TRIP6: variants seen among roughly 807,000 people sequenced by gnomAD.
TRIP6 encodes the protein thyroid receptor-interacting protein 6.
A neutral mutation model predicts 51.9 loss-of-function variants in TRIP6; 33 were observed. That is an observed-to-expected ratio of 0.64 (90% CI 0.48 to 0.85). The LOEUF is 0.85. Among genes scored for constraint, TRIP6 ranks in the 40% least tolerant of loss-of-function variants. The probability of loss-of-function intolerance (pLI) is 0.00; values close to 1 mark genes in which losing one functional copy is unlikely to be tolerated. For missense variants in TRIP6, 661 were observed against 652.1 expected (o/e 1.01, Z -0.15); for synonymous variants, 255 against 275.8 (o/e 0.92, Z 0.75).
intron 3 of TRIP6, 70 bp downstream of exon 3, chr7:100,868,303 T>A (rs1384138802): frequency 6.4e-7 from 1 of 1,572,844 alleles, no homozygotes; most frequent in Non-Finnish European, 8.6e-7. Context: ...GCCTGATCGA[T>A]CCCCCATGTG....
chr7:100,868,051 AG>A, intron 2 of TRIP6, 56 bp from the exon 3 acceptor site: 1 of 1,560,334 alleles, frequency 6.4e-7, no homozygotes, highest in African/African-American at 1.4e-5. Flanking sequence ...TGAGGGACCC[AG>A]GACAGGAGAA....
At position 100,868,152 on chromosome 7, in the gene TRIP6, C is replaced by T. The variant is rs373789703; in HGVS notation, c.282C>T (p.Asp94=). The T allele has an allele frequency of 4.5e-5, 73 of 1,612,212 alleles. No homozygotes were observed. Among genetic ancestry groups the T allele is most frequent in the African/African-American group, 3.2e-4 (24 of 74,916 alleles). Residue 94 remains aspartate (D), a synonymous_variant, in exon 3 of 9, where the codon GAC becomes GAT. Coordinates refer to ENST00000200457, the MANE Select transcript of TRIP6 (RefSeq NM_003302.3). ...DRGGLRPGSL[D]AEIDLLSSTL... ...GGGGCCTTCGCCCTGGAAGCCTGGA[C>T]GCCGAGATAGACTTGCTGAGCAGCA...
chr7:100,867,850 C>A lies in TRIP6; in HGVS notation c.110-11C>A. ...GCCACCCCACCTTTGATTTCTCTTC[C>A]CTCAACCCAGCACTCCAGCCCCACC... On this transcript the variant is annotated splice_polypyrimidine_tract_variant and intron_variant, in intron 1 of 8. Transcript: ENST00000200457. This position sits in a 1 kb window ranked among gnomAD's most constrained non-coding sequence, Gnocchi z 5.4. 1 of 1,541,610 alleles carries A rather than the reference C, an allele frequency of 6.5e-7. No individual in the cohort carries two copies.
At position 100,868,741 on chromosome 7, in the gene TRIP6, G is replaced by C; in HGVS notation, c.610G>C (p.Gly204Arg). 2.6e-6 allele frequency: 4 copies of C among 1,557,386 alleles called. No individual in the cohort carries two copies. Among genetic ancestry groups the C allele is most frequent in the Non-Finnish European group, 3.5e-6 (4 of 1,155,178 alleles). Residue 204 changes from glycine to arginine, a missense_variant, in exon 4 of 9, where the codon GGC (glycine) becomes CGC (arginine). By Grantham distance (125) the Gly-to-Arg change is moderately radical. Coordinates refer to ENST00000200457, the MANE Select transcript of TRIP6 (RefSeq NM_003302.3). ...CCCGGGCCCCCACTTTCCTCTCCCA[G>C]GCCGAGGTGAAGTCTGGGGGCCTGG... ...PLPGPHFPLP[G>R]RGEVWGPGYR...
chr7:100,872,786 G>C, intron 8 of TRIP6, 42 bp downstream of exon 8: 1 of 1,611,374 alleles, frequency 6.2e-7, no homozygotes, highest in Non-Finnish European at 8.5e-7. Context: ...GCAGTGTCTA[G>C]GGTGCTGGGT....
Position 100,867,914 on chromosome 7 carries a change from T to C in TRIP6, c.163T>C (p.Tyr55His), listed in dbSNP as rs372979273. 1.2e-4 allele frequency: 176 copies of C among 1,523,434 alleles called. No homozygotes were observed. The highest frequency in any genetic ancestry group is 1.4e-4 in the Non-Finnish European group (159 of 1,142,242). The allele number at this position is 1,523,434 out of a possible 1,614,324, so 94.4% of individuals were successfully genotyped here. Residue 55 changes from tyrosine (Y) to histidine (H), a missense_variant, in exon 2 of 9, where the codon TAC becomes CAC. Coordinates refer to ENST00000200457, the MANE Select transcript of TRIP6 (RefSeq NM_003302.3). The surrounding 1 kb of genome is among the most constrained non-coding windows in gnomAD (Gnocchi z 5.4). Reference sequence around the variant, plus strand: ...TTGCCCCCTTCCATCTGAGCAGTGTTACCAGGCCCCAGGGGGACCGGAGGA... The same window carrying C: ...TTGCCCCCTTCCATCTGAGCAGTGTCACCAGGCCCCAGGGGGACCGGAGGA... ...NFCPLPSEQC[Y>H]QAPGGPEDRG... is the part of the protein sequence containing the mutation.
intron 6 of TRIP6, 113 bp downstream of exon 6, chr7:100,870,856 C>G: frequency 7.2e-7 from 1 of 1,387,342 alleles, no homozygotes. Context: ...AAAAGCCAGG[C>G]GACTGAAAGT....
rs767512911 is a variant in TRIP6 at position 100,868,199 on chromosome 7, G to T, written c.329G>T (p.Gly110Val). The change falls in exon 3 of 9, where the codon GGT (glycine) becomes GTT (valine). Residue 110 changes from glycine (G) to valine (V), a missense_variant. Gly to Val is a moderately radical substitution (Grantham distance 109). Coordinates refer to ENST00000200457, the MANE Select transcript of TRIP6 (RefSeq NM_003302.3). ...LSSTLAELNG[G>V]RGHASRRPDR... ...AGCACGCTGGCCGAGCTGAATGGGG[G>T]TCGGGGTCATGCGTCACGGCGACCA... The T allele has an allele frequency of 1.2e-6, 2 of 1,609,938 alleles. No homozygotes were observed. Among genetic ancestry groups the T allele is most frequent in the South Asian group, 2.2e-5 (2 of 90,902 alleles).
chr7:100,872,181 G>GTTTTT (rs34239953), intron 7 of TRIP6, among the ~76,000 whole-genome samples: 14 of 95,584 alleles, frequency 1.5e-4, no homozygotes, highest in East Asian at 3.2e-4. Context: ...CGCCTGGCTA[G>GTTTTT]TTTTTTTTTT....
In TRIP6 at chr7:100,870,386, C is replaced by A. The variant is rs1326090073; in HGVS notation, c.752C>A (p.Pro251His). ...ACCTTCCAGGTGCCCCTGAGCCAGC[C>A]TCCAGAGGATGAGCTGGATAGGCTG... is the stretch of plus-strand genomic sequence containing the variant. ...EHGPQVPLSQ[P>H]PEDELDRLTK... Residue 251 changes from proline to histidine, a missense_variant, in exon 5 of 9, where the codon CCT becomes CAT. Coordinates refer to ENST00000200457, the MANE Select transcript of TRIP6 (RefSeq NM_003302.3). The A allele has an allele frequency of 6.2e-7, 1 of 1,612,184 alleles. No individual in the cohort carries two copies. Among genetic ancestry groups the A allele is most frequent in the Non-Finnish European group, 8.5e-7 (1 of 1,179,986 alleles).
intron 8 of TRIP6, 104 bp from the exon 9 acceptor site, chr7:100,873,068 C>A (rs1431677077): frequency 5.4e-6 from 8 of 1,477,404 alleles, no homozygotes; most frequent in Non-Finnish European, 7.2e-6. Context: ...CCAGGCTGGT[C>A]TTGAACTCCT....
In TRIP6 at chr7:100,868,699, C is replaced by T. The variant is rs1243625083; in HGVS notation, c.568C>T (p.Gln190Ter). 2.5e-6 allele frequency: 4 copies of T among 1,595,072 alleles called. No individual in the cohort carries two copies. Among genetic ancestry groups the T allele is most frequent in the Non-Finnish European group, 3.4e-6 (4 of 1,170,678 alleles). The change falls in exon 4 of 9, where the codon CAG (glutamine) becomes TAG (stop). Residue 190 changes from glutamine to a stop codon, truncating the protein, a stop_gained. Coordinates refer to ENST00000200457, the MANE Select transcript of TRIP6 (RefSeq NM_003302.3). LOFTEE classifies it high-confidence loss of function. ...GCGPPRRGASQASGPLPGPHF... is the reference protein window; with the variant it reads ...GCGPPRRGAS Reference sequence around the variant, plus strand: ...CGGCCCACCCAGGCGGGGAGCCTCTCAGGCCTCTGGGCCCCTCCCGGGCCC... The same window carrying T: ...CGGCCCACCCAGGCGGGGAGCCTCTTAGGCCTCTGGGCCCCTCCCGGGCCC...
At chr7:100,868,962 T>C in intron 4 of TRIP6, 96 bp downstream of exon 4, 1 of 1,380,004 alleles carries the variant, frequency 7.2e-7, no homozygotes, top group Admixed American at 3.1e-5. Context: ...TTTTTGTTTT[T>C]TGAGACAGAG....
Position 100,872,292 on chromosome 7 carries a change from C to A in TRIP6, c.1179-332C>A, listed in dbSNP as rs574016531. On this transcript the variant is annotated intron_variant, in intron 7 of 8. Coordinates refer to ENST00000200457, the MANE Select transcript of TRIP6 (RefSeq NM_003302.3). ...AAGCGATCCACCTGCCTCGGCCGCC[C>A]AAAGTGCAGGGATAGCAGGCGTAAG... Among the ~76,000 whole-genome samples, 96 of 151,888 alleles carry A rather than the reference C, an allele frequency of 6.3e-4. 1 individual carries two copies. The South Asian group carries it at 0.011, about 18-fold the overall frequency.
intron 6 of TRIP6, 105 bp downstream of exon 6, chr7:100,870,848 A>G: frequency 7.0e-7 from 1 of 1,428,316 alleles, no homozygotes; most frequent in Non-Finnish European, 9.3e-7. Flanking sequence ...ACGGTGCTAA[A>G]AGCCAGGCGA....
Position 100,873,181 on chromosome 7 carries a change from C to G in TRIP6, c.1309C>G (p.Leu437Val). The change falls in exon 9 of 9, where the codon CTG (leucine) becomes GTG (valine). Residue 437 changes from leucine (L) to valine (V), a missense_variant. By Grantham distance (32) the Leu-to-Val change is conservative (BLOSUM62 1). Coordinates refer to ENST00000200457, the MANE Select transcript of TRIP6 (RefSeq NM_003302.3). ...GCTTCTTTTTCAACAGGAGTGTGGG[C>G]TGCTGCTCTCCTCTGAGGGCGAGTG... ...IGCYKCEECG[L>V]LLSSEGECQG... The G allele has an allele frequency of 6.2e-7, 1 of 1,612,110 alleles. No homozygotes were observed. The highest frequency in any genetic ancestry group is 1.1e-5 in the South Asian group (1 of 90,988).
Position 100,873,316 on chromosome 7 carries a change from G to C in TRIP6, c.*13G>C, listed in dbSNP as rs755522527. 1.3e-6 allele frequency: 2 copies of C among 1,593,168 alleles called. No individual in the cohort carries two copies. Among genetic ancestry groups the C allele is most frequent in the South Asian group, 2.2e-5 (2 of 90,564 alleles). On this transcript the variant is annotated 3_prime_UTR_variant, in exon 9 of 9. Transcript: ENST00000200457. ...CACTGACTGCTGAGTCTTCCTAGAAGTACCTGCTGGGTTCTCAGTTCCAGT... is the reference window on the plus strand; with the variant it reads ...CACTGACTGCTGAGTCTTCCTAGAACTACCTGCTGGGTTCTCAGTTCCAGT...
rs544071716 is a variant in TRIP6 at position 100,871,419 on chromosome 7, G to A, written c.1000-124G>A. The A allele has an allele frequency of 1.6e-4, 148 of 946,236 alleles. No individual in the cohort carries two copies. In the South Asian group the frequency reaches 1.9e-3, roughly 12 times the overall value. 58.6% of individuals were successfully genotyped at this position (946,236 alleles called of 1,614,324 possible). A position where few individuals can be genotyped will look rare whatever the true frequency, so the allele number is the denominator to read the frequency against. ...GATCTGCTCAAGTCTGCCTTTCACC[G>A]AATCACATGCAGGAGGCTGCATGCA... On this transcript the variant is annotated intron_variant, in intron 6 of 8. Coordinates refer to ENST00000200457, the MANE Select transcript of TRIP6 (RefSeq NM_003302.3).
At position 100,868,140 on chromosome 7, in the gene TRIP6, T is replaced by A; in HGVS notation, c.270T>A (p.Pro90=). ...CTGCAGACAGGGGGGGCCTTCGCCC[T>A]GGAAGCCTGGACGCCGAGATAGACT... ...GLPADRGGLR[P]GSLDAEIDLL... The change falls in exon 3 of 9, where the codon CCT becomes CCA. Residue 90 remains proline, a synonymous_variant. Coordinates refer to ENST00000200457, the MANE Select transcript of TRIP6 (RefSeq NM_003302.3). 6.2e-7 allele frequency: 1 copy of A among 1,612,470 alleles called. No homozygotes were observed. Among genetic ancestry groups the A allele is most frequent in the African/African-American group, 1.3e-5 (1 of 74,968 alleles).
Sources: allele counts gnomAD v4.1 joint callset (sites outside exome capture counted in the v4.1 genomes callset), GRCh38; gene constraint gnomAD v4.1.1; non-coding constraint Gnocchi (gnomAD v3.1); transcripts MANE v1.5; gene names NCBI Gene and HGNC (gene_info 2026-07-23, HGNC 2026-07-21).